Variants in NUS1 observed in about 807,000 individuals in gnomAD.
NUS1 encodes the protein NUS1 dehydrodolichyl diphosphate synthase subunit.
For missense variants in NUS1, 292 were observed against 382.9 expected (o/e 0.76, Z 1.98); for synonymous variants, 135 against 155.2 (o/e 0.87, Z 0.97).
chr6:117,701,700 G>A (rs1773413192), intron 3 of NUS1, among the ~76,000 whole-genome samples: 1 of 151,746 alleles, frequency 6.6e-6, no homozygotes, highest in Non-Finnish European at 1.5e-5. Flanking sequence ...AAATACACTT[G>A]TTTCTTAATA....
intron 3 of NUS1, among the ~76,000 whole-genome samples, chr6:117,701,245 C>CT (rs1181868381): frequency 0.05 from 6,047 of 120,632 alleles, 359 homozygotes; most frequent in East Asian, 0.28. Flanking sequence ...TTCTAATTTT[C>CT]TTTTTTTTTT....
rs1198831220 is a variant in NUS1, at chr6:117,709,828, TTA to T, written c.*2815_*2816del. 8 of 152,698 alleles carry T rather than the reference TTA, an allele frequency of 5.2e-5. No individual in the cohort carries two copies. In the East Asian group the frequency reaches 1.5e-3, roughly 29 times the overall value. 9.5% of individuals were successfully genotyped at this position (152,698 alleles called of 1,614,324 possible). ...TATACTCTTTTCATTGACTATAGTATTATGTGAATGCTACATTTGTTCTGAAC... is the reference window on the plus strand; with the variant it reads ...TATACTCTTTTCATTGACTATAGTATTGTGAATGCTACATTTGTTCTGAAC... On this transcript the variant is annotated 3_prime_UTR_variant, in exon 5 of 5. Transcript: ENST00000368494.
chr6:117,699,563 G>C (rs72951518), intron 3 of NUS1, among the ~76,000 whole-genome samples: 8,052 of 152,088 alleles, frequency 0.053, 224 homozygotes, highest in Middle Eastern at 0.12. Context: ...AACGTCCATA[G>C]TACCCAAAGC....
intron 1 of NUS1, among the ~76,000 whole-genome samples, chr6:117,682,971 T>C (rs976568295): frequency 6.6e-6 from 1 of 152,210 alleles, no homozygotes; most frequent in Non-Finnish European, 1.5e-5. Context: ...AGAGATTTCT[T>C]CATCCCACTA....
At position 117,707,110 on chromosome 6, in the gene NUS1, C is replaced by T; in HGVS notation, c.*95C>T. 3.9e-6 allele frequency: 4 copies of T among 1,027,928 alleles called. No homozygotes were observed. Among genetic ancestry groups the T allele is most frequent in the South Asian group, 1.3e-5 (1 of 77,494 alleles). The allele number at this position is 1,027,928 out of a possible 1,614,324, so 63.7% of individuals were successfully genotyped here. A position where few individuals can be genotyped will look rare whatever the true frequency, so the allele number is the denominator to read the frequency against. ...AAGCACCTATGAAACCCTGTACACACCTAGTTCATAATCCTCATAATTTAT... is the reference window on the plus strand; with the variant it reads ...AAGCACCTATGAAACCCTGTACACATCTAGTTCATAATCCTCATAATTTAT... On this transcript the variant is annotated 3_prime_UTR_variant, in exon 5 of 5. Transcript: ENST00000368494.
At chr6:117,682,957 T>C (rs113117155) in intron 1 of NUS1, among the ~76,000 whole-genome samples, 2 of 152,334 alleles carry the variant, frequency 1.3e-5, no homozygotes, top group African/African-American at 4.8e-5. Context: ...ATTTAAAGAC[T>C]AATAGAGATT....
At chr6:117,698,943 ATAAAAT>A (rs1359807695) in intron 3 of NUS1, among the ~76,000 whole-genome samples, 1 of 152,194 alleles carries the variant, frequency 6.6e-6, no homozygotes, top group African/African-American at 2.4e-5. Flanking sequence ...GAAGCATTTG[ATAAAAT>A]TAAACACTTG....
chr6:117,675,728 C>T lies in NUS1; in HGVS notation c.58C>T (p.Arg20Cys). 3 of 1,531,920 alleles carry T rather than the reference C, an allele frequency of 2.0e-6. No homozygotes were observed. The highest frequency in any genetic ancestry group is 1.8e-6 in the Non-Finnish European group (2 of 1,140,696). The allele number at this position is 1,531,920 out of a possible 1,614,324, so 94.9% of individuals were successfully genotyped here. ...GCTGCACGCGCTGCTCTGTCTGCAC[C>T]GCACGCTCACCTCCTGGCTCCGCGT... ...RVLHALLCLHRTLTSWLRVRF... is the reference protein window; with the variant it reads ...RVLHALLCLHCTLTSWLRVRF... Residue 20 changes from arginine (R) to cysteine (C), a missense_variant, in exon 1 of 5, where the codon CGC becomes TGC. Physicochemically the swap from Arg to Cys is radical, Grantham distance 180. Transcript: ENST00000368494.
At chr6:117,695,084 C>A (rs1238002984) in intron 3 of NUS1, among the ~76,000 whole-genome samples, 2 of 148,072 alleles carry the variant, frequency 1.4e-5, no homozygotes, top group East Asian at 4.0e-4. Context: ...GTCCCAGCTA[C>A]TCAGAAGGCT....
chr6:117,685,785 C>T (rs1372738283), intron 1 of NUS1, among the ~76,000 whole-genome samples: 10 of 152,066 alleles, frequency 6.6e-5, no homozygotes, highest in Admixed American at 6.5e-4. Context: ...ATTTTAGATT[C>T]CCAAGTCACT....
At position 117,707,689 on chromosome 6, in the gene NUS1, A is replaced by C. The variant is rs1348960516; in HGVS notation, c.*674A>C. ...CTGGTATTCTGGTATTCTGGGTTCA[A>C]AAGTATGACTTGAGAGTGTTGCTCT... On this transcript the variant is annotated 3_prime_UTR_variant, in exon 5 of 5. Transcript: ENST00000368494. 1 of 147,628 alleles carries C rather than the reference A, an allele frequency of 6.8e-6. No homozygotes were observed. Among genetic ancestry groups the C allele is most frequent in the Non-Finnish European group, 1.5e-5 (1 of 66,768 alleles). The allele number at this position is 147,628 out of a possible 1,614,324, so 9.1% of individuals were successfully genotyped here. A position where few individuals can be genotyped will look rare whatever the true frequency, so the allele number is the denominator to read the frequency against.
intron 4 of NUS1, among the ~76,000 whole-genome samples, chr6:117,704,666 TTC>T (rs1372507582): frequency 3.3e-5 from 5 of 152,162 alleles, no homozygotes; most frequent in African/African-American, 4.8e-5. Flanking sequence ...ATACTACAAA[TTC>T]TCTCTCTCAT....
intron 1 of NUS1, among the ~76,000 whole-genome samples, chr6:117,682,839 G>A (rs1354950858): frequency 6.6e-6 from 1 of 152,168 alleles, no homozygotes; most frequent in African/African-American, 2.4e-5. Context: ...GTAAAAGAAT[G>A]TGACGACAGT....
At position 117,707,829 on chromosome 6, in the gene NUS1, A is replaced by T. The variant is rs1773522265; in HGVS notation, c.*814A>T. 2 of 152,620 alleles carry T rather than the reference A, an allele frequency of 1.3e-5. No individual in the cohort carries two copies. Among genetic ancestry groups the T allele is most frequent in the South Asian group, 4.1e-4 (2 of 4,836 alleles). 9.5% of individuals were successfully genotyped at this position (152,620 alleles called of 1,614,324 possible). A position where few individuals can be genotyped will look rare whatever the true frequency, so the allele number is the denominator to read the frequency against. The stretch of plus-strand genomic sequence containing the variant: ...AACATTGGATTAGGCAGTCAAAAAA[A>T]CCAAGCAAGCATAAAAGGTCAATAA... On this transcript the variant is annotated 3_prime_UTR_variant, in exon 5 of 5. Coordinates refer to ENST00000368494, the MANE Select transcript of NUS1 (RefSeq NM_138459.5).
rs567012831 is a variant in NUS1 at position 117,705,131 on chromosome 6, A to C, written c.791+1427A>C. Among the ~76,000 whole-genome samples, 14 of 152,306 alleles carry C rather than the reference A, an allele frequency of 9.2e-5. No homozygotes were observed. In the East Asian group the frequency reaches 2.7e-3, roughly 29 times the overall value. On this transcript the variant is annotated intron_variant, in intron 4 of 4. Transcript: ENST00000368494. ...CTAAATCATCTGGTCCCACCTTCTC[A>C]TTTTATAGATAAGGAAAATAGGGAA...
chr6:117,690,615 C>A (rs1433601225), intron 1 of NUS1, among the ~76,000 whole-genome samples: 3 of 152,140 alleles, frequency 2.0e-5, no homozygotes, highest in African/African-American at 4.8e-5. Flanking sequence ...GTAATCCTCA[C>A]CTAAATTTTC....
In NUS1 at chr6:117,675,828, G is replaced by A. The variant is rs1379290530; in HGVS notation, c.158G>A (p.Gly53Asp). The A allele has an allele frequency of 7.1e-6, 11 of 1,548,100 alleles. No homozygotes were observed. The highest frequency in any genetic ancestry group is 8.7e-6 in the Non-Finnish European group (10 of 1,147,684). ...AASAAVLAPL[G>D]FTLRKPPAVG... ...TCTGCCGCGGTCCTAGCGCCGCTCGGCTTCACGCTCCGCAAGCCCCCGGCA... is the reference window on the plus strand; with the variant it reads ...TCTGCCGCGGTCCTAGCGCCGCTCGACTTCACGCTCCGCAAGCCCCCGGCA... The change falls in exon 1 of 5, where the codon GGC (glycine) becomes GAC (aspartate). Residue 53 changes from glycine (G) to aspartate (D), a missense_variant. Transcript: ENST00000368494.
chr6:117,694,269 A>G, intron 3 of NUS1, 89 bp downstream of exon 3: 1 of 720,530 alleles, frequency 1.4e-6, no homozygotes, highest in Non-Finnish European at 2.0e-6. Context: ...ATGAAAGAAA[A>G]TATTTTTGTT....
chr6:117,703,143 C>T (rs1237509775), intron 3 of NUS1, among the ~76,000 whole-genome samples: 1 of 152,136 alleles, frequency 6.6e-6, no homozygotes, highest in Admixed American at 6.6e-5. Context: ...AAATGAGGTG[C>T]ATGAGGGAAG....
Sources: allele counts gnomAD v4.1 joint callset (sites outside exome capture counted in the v4.1 genomes callset), GRCh38; gene constraint gnomAD v4.1.1; transcripts MANE v1.5; gene names NCBI Gene and HGNC (gene_info 2026-07-23, HGNC 2026-07-21).